The following ARMC8 variants were observed in gnomAD, a reference collection of about 807,000 sequenced individuals.
ARMC8 encodes armadillo repeat containing 8.
Under a neutral mutation model 99.3 loss-of-function variants are expected in ARMC8, and 20 were observed. The ratio of observed to expected loss-of-function variants is 0.20; its 90% CI spans 0.14 to 0.29. The LOEUF is 0.29. Ranked by LOEUF, ARMC8 falls within the 10% of genes least tolerant of loss-of-function variation. The pLI is 1.00. For missense variants in ARMC8, 569 were observed against 809.5 expected (o/e 0.70, Z 3.60); for synonymous variants, 263 against 278.3 (o/e 0.95, Z 0.55).
intron 2 of ARMC8, among the ~76,000 whole-genome samples, chr3:138,213,644 T>C (rs897808567): frequency 5.9e-5 from 9 of 152,166 alleles, no homozygotes; most frequent in African/African-American, 1.4e-4. Flanking sequence ...TCCTGTAATA[T>C]GGAGATCTGC....
intron 18 of ARMC8, among the ~76,000 whole-genome samples, chr3:138,278,396 C>T (rs575890561): frequency 1.1e-3 from 165 of 151,560 alleles, no homozygotes; most frequent in Non-Finnish European, 1.9e-3. Context: ...CCCAGCTACT[C>T]GGGAGGCTGA....
chr3:138,191,403 A>T (rs1344060110), intron 1 of ARMC8, among the ~76,000 whole-genome samples: 1 of 152,226 alleles, frequency 6.6e-6, no homozygotes, highest in African/African-American at 2.4e-5. Flanking sequence ...GATTCACAGG[A>T]AGTTGCAAAG....
intron 1 of ARMC8, among the ~76,000 whole-genome samples, chr3:138,194,043 C>T (rs780420463): frequency 2.1e-5 from 3 of 145,976 alleles, no homozygotes; most frequent in Admixed American, 6.9e-5. Context: ...AGTGGCATTA[C>T]GTCTTTTTTT....
chr3:138,294,865 T>G (rs1365462077), intron 21 of ARMC8, among the ~76,000 whole-genome samples: 1 of 151,946 alleles, frequency 6.6e-6, no homozygotes, highest in African/African-American at 2.4e-5. Context: ...CATTATTTTT[T>G]GGTTTGTTTT....
chr3:138,219,172 G>A (rs1000773660), intron 2 of ARMC8, among the ~76,000 whole-genome samples: 2 of 152,188 alleles, frequency 1.3e-5, no homozygotes, highest in African/African-American at 4.8e-5. Flanking sequence ...ATGAAATTAA[G>A]TAGTGGATAT....
chr3:138,255,269 C>G (rs1247117763), intron 12 of ARMC8, among the ~76,000 whole-genome samples: 1 of 136,660 alleles, frequency 7.3e-6, no homozygotes, highest in African/African-American at 2.7e-5. Context: ...GTGGCGTGAT[C>G]TCGGCTCACT....
At chr3:138,196,377 A>AT (rs1464268748) in intron 1 of ARMC8, among the ~76,000 whole-genome samples, 2 of 152,192 alleles carry the variant, frequency 1.3e-5, no homozygotes, top group Non-Finnish European at 2.9e-5. Context: ...ATCTGGGGTC[A>AT]TGATCATTAT....
intron 12 of ARMC8, among the ~76,000 whole-genome samples, chr3:138,255,392 C>A (rs1412651046): frequency 6.6e-6 from 1 of 151,696 alleles, no homozygotes; most frequent in Non-Finnish European, 1.5e-5. Flanking sequence ...TTAGTAGAGA[C>A]GGGGTTTCAC....
chr3:138,192,275 CTTT>C (rs372563436), intron 1 of ARMC8, among the ~76,000 whole-genome samples: 15 of 130,684 alleles, frequency 1.1e-4, no homozygotes, highest in African/African-American at 4.2e-4. Context: ...TTTATTTATC[CTTT>C]TTTTTTTTTT....
intron 5 of ARMC8, among the ~76,000 whole-genome samples, chr3:138,224,742 G>C (rs936633630): frequency 6.6e-6 from 1 of 152,182 alleles, no homozygotes; most frequent in Non-Finnish European, 1.5e-5. Flanking sequence ...AGGGCAGACT[G>C]TCTGCTTTTA....
chr3:138,260,256 C>A (rs972206202), intron 12 of ARMC8, among the ~76,000 whole-genome samples: 2 of 152,216 alleles, frequency 1.3e-5, no homozygotes, highest in African/African-American at 2.4e-5. Flanking sequence ...TTCCCAAGTT[C>A]CTTCTAAACA....
At chr3:138,231,469 G>A (rs372175182) in intron 6 of ARMC8, among the ~76,000 whole-genome samples, 156 of 152,188 alleles carry the variant, frequency 1.0e-3, no homozygotes, top group Non-Finnish European at 1.7e-3. Flanking sequence ...CATTTGTGTT[G>A]CAATATAATC....
intron 12 of ARMC8, among the ~76,000 whole-genome samples, chr3:138,257,774 T>C (rs986684399): frequency 6.6e-6 from 1 of 152,220 alleles, no homozygotes; most frequent in Non-Finnish European, 1.5e-5. Flanking sequence ...TTGACACTTA[T>C]GAGACTAAAT....
intron 2 of ARMC8, among the ~76,000 whole-genome samples, chr3:138,215,617 T>C (rs2044980339): frequency 6.6e-6 from 1 of 152,220 alleles, no homozygotes; most frequent in South Asian, 2.1e-4. Context: ...ATTAAATATA[T>C]TTAAAGTGTT....
intron 1 of ARMC8, among the ~76,000 whole-genome samples, chr3:138,199,934 A>C (rs943912131): frequency 6.6e-6 from 1 of 152,168 alleles, no homozygotes; most frequent in African/African-American, 2.4e-5. Context: ...CAGAAAATCA[A>C]ATTTTGGTTT....
chr3:138,220,281 T>G (rs1364310480), intron 2 of ARMC8, among the ~76,000 whole-genome samples: 1 of 152,242 alleles, frequency 6.6e-6, no homozygotes, highest in East Asian at 1.9e-4. Context: ...TAGTTTTATA[T>G]TCATGTATCA....
At chr3:138,229,336 CTT>C (rs71304266) in intron 6 of ARMC8, among the ~76,000 whole-genome samples, 24 of 132,562 alleles carry the variant, frequency 1.8e-4, no homozygotes, top group East Asian at 2.2e-4. Context: ...CTCCCTCATT[CTT>C]TTTTTTTTTT....
At chr3:138,220,561 T>C (rs1395867196) in intron 2 of ARMC8, among the ~76,000 whole-genome samples, 1 of 152,210 alleles carries the variant, frequency 6.6e-6, no homozygotes, top group East Asian at 1.9e-4. Flanking sequence ...GTTGTTGCAG[T>C]ATTTTTCTGC....
chr3:138,242,931 T>G (rs2046695351), intron 11 of ARMC8, among the ~76,000 whole-genome samples: 1 of 152,240 alleles, frequency 6.6e-6, no homozygotes, highest in Admixed American at 6.5e-5. Context: ...TCTCTGGGTA[T>G]TAAACTTATG....
Sources: allele counts gnomAD v4.1 joint callset (sites outside exome capture counted in the v4.1 genomes callset), GRCh38; gene constraint gnomAD v4.1.1; transcripts MANE v1.5; gene names NCBI Gene and HGNC (gene_info 2026-07-23, HGNC 2026-07-21).